MACF1: variants seen among roughly 807,000 people sequenced by gnomAD.
MACF1 encodes the protein microtubule actin crosslinking factor 1, also known as microtubule-actin cross-linking factor 1.
MACF1 carries 193 observed loss-of-function variants against 854.8 expected under a neutral mutation model. The observed-to-expected ratio is 0.23, with a 90% CI of 0.20 to 0.25. The LOEUF is 0.25. Among genes scored for constraint, MACF1 ranks in the 10% least tolerant of loss-of-function variants. The pLI is 1.00. For synonymous variants in MACF1, 3,185 were observed against 3,226.7 expected (o/e 0.99, Z 0.44); for missense variants, 7,722 against 8,929.1 (o/e 0.86, Z 5.45).
At chr1:39,223,982 G>A (rs1013333407) in intron 1 of MACF1, among the ~76,000 whole-genome samples, 5 of 152,160 alleles carry the variant, frequency 3.3e-5, no homozygotes, top group African/African-American at 1.2e-4. Context: ...TTTTAGACAA[G>A]TTGAGTTTGA....
chr1:39,192,328 G>A (rs1292831276), intron 2 of MACF1, among the ~76,000 whole-genome samples: 1 of 152,104 alleles, frequency 6.6e-6, no homozygotes, highest in African/African-American at 2.4e-5. Context: ...TCACCTCGGG[G>A]AATGGAAAAA....
At chr1:39,242,626 T>G (rs562173121) in intron 2 of MACF1, among the ~76,000 whole-genome samples, 14 of 151,700 alleles carry the variant, frequency 9.2e-5, no homozygotes, top group South Asian at 2.1e-4. Flanking sequence ...TGTATGCGCC[T>G]TGGGAGACTG....
At position 39,448,020 on chromosome 1, in the gene MACF1, T is replaced by G. The variant is rs746250040; in HGVS notation, c.19969-13T>G. Reference sequence around the variant, plus strand: ...TATTCATTCCTGTTAACTTATTTCTTATGTAATTTTAGTTCCATGAAGCTT... The same window carrying G: ...TATTCATTCCTGTTAACTTATTTCTGATGTAATTTTAGTTCCATGAAGCTT... On this transcript the variant is annotated splice_polypyrimidine_tract_variant and intron_variant, in intron 82 of 100. Transcript: ENST00000564288. 17 of 1,613,852 alleles carry G rather than the reference T, an allele frequency of 1.1e-5. No individual in the cohort carries two copies. The highest frequency in any genetic ancestry group is 1.4e-5 in the Non-Finnish European group (17 of 1,179,916).
chr1:39,413,024 C>CTGCTGCAGT (rs1245036060), intron 58 of MACF1: 12 of 1,584,798 alleles, frequency 7.6e-6, no homozygotes, highest in African/African-American at 1.3e-5. Flanking sequence ...CCTGAAGGGA[C>CTGCTGCAGT]TGCTGCAGTT....
rs765189141 is a variant in MACF1, at chr1:39,335,927, C to T, written c.9339C>T (p.His3113=). 11 of 1,614,118 alleles carry T rather than the reference C, an allele frequency of 6.8e-6. No homozygotes were observed. In the South Asian group the frequency reaches 8.8e-5, roughly 13 times the overall value. Residue 3113 remains histidine (H), a synonymous_variant, in exon 37 of 101, where the codon CAC becomes CAT. Coordinates refer to ENST00000564288, the MANE Select transcript of MACF1 (RefSeq NM_001394062.1). ...TGACCCCAAGACCTGAAGGATTGCA[C>T]TACCAGGAATCAGATGGAAAAGCCC... ...PCMTPRPEGL[H]YQESDGKAQV... is the part of the protein sequence containing the mutation.
intron 84 of MACF1, among the ~76,000 whole-genome samples, chr1:39,450,610 C>CTTTTT (rs11398407): frequency 3.5e-5 from 4 of 115,264 alleles, no homozygotes; most frequent in African/African-American, 6.4e-5. Flanking sequence ...TACTCTATTT[C>CTTTTT]TTTTTTTTTT....
rs1165101782 is a variant in MACF1, at chr1:39,287,267, T to C, written c.1509-19T>C. 2 of 1,608,180 alleles carry C rather than the reference T, an allele frequency of 1.2e-6. No individual in the cohort carries two copies. On this transcript the variant is annotated intron_variant, in intron 14 of 100. Transcript: ENST00000564288. Reference sequence around the variant, plus strand: ...CTATAGATTTAAATCCTTTCCTTTTTTCTCTTCTTCCATTTCAGGGTCATG... The same window carrying C: ...CTATAGATTTAAATCCTTTCCTTTTCTCTCTTCTTCCATTTCAGGGTCATG...
chr1:39,319,543 C>T (rs1332691678), intron 30 of MACF1, 121 bp from the exon 31 acceptor site: 4 of 656,248 alleles, frequency 6.1e-6, no homozygotes, highest in East Asian at 3.0e-5. Flanking sequence ...GTTTTAACCA[C>T]CCTTTCCAGC....
rs187737157 is a variant in MACF1 at position 39,390,984 on chromosome 1, G to A, written c.15816+2326G>A. ...AAATTAGCTGGGTATGGTGGCAGGC[G>A]CCTGTAGTCCCAGCTACTCGGGAGG... On this transcript the variant is annotated intron_variant, in intron 58 of 100. Coordinates refer to ENST00000564288, the MANE Select transcript of MACF1 (RefSeq NM_001394062.1). 1.3e-3 allele frequency among the ~76,000 whole-genome samples: 199 copies of A among 151,928 alleles called. 3 individuals carry two copies. In the Middle Eastern group the frequency reaches 0.054, roughly 42 times the overall value.
chr1:39,138,362 T>C (rs957476596), intron 2 of MACF1, among the ~76,000 whole-genome samples: 8 of 151,906 alleles, frequency 5.3e-5, no homozygotes, highest in Non-Finnish European at 8.8e-5. Flanking sequence ...GGTGGGCAGA[T>C]CACAAGGTCA....
chr1:39,381,928 A>G, intron 55 of MACF1, 25 bp from the exon 56 acceptor site: 1 of 1,560,866 alleles, frequency 6.4e-7, no homozygotes, highest in Non-Finnish European at 8.8e-7. Context: ...GTAAAGGAAT[A>G]CATTCCCTCA....
intron 2 of MACF1, among the ~76,000 whole-genome samples, chr1:39,195,053 A>G (rs1243844739): frequency 6.6e-6 from 1 of 152,156 alleles, no homozygotes; most frequent in Non-Finnish European, 1.5e-5. Context: ...GAAAAGCAAA[A>G]CTTACACTTG....
At chr1:39,325,102 G>A (rs931366387) in intron 35 of MACF1, among the ~76,000 whole-genome samples, 2 of 152,208 alleles carry the variant, frequency 1.3e-5, no homozygotes, top group Admixed American at 6.5e-5. Context: ...ATCTATGGGT[G>A]TGGTTACACA....
At chr1:39,194,715 A>G (rs1401427362) in intron 2 of MACF1, among the ~76,000 whole-genome samples, 1 of 101,668 alleles carries the variant, frequency 9.8e-6, no homozygotes, top group Non-Finnish European at 1.8e-5. Context: ...TCCCTTCTCT[A>G]TTGTCTTGCT....
At chr1:39,297,268 A>G (rs1330316221) in intron 20 of MACF1, among the ~76,000 whole-genome samples, 2 of 152,118 alleles carry the variant, frequency 1.3e-5, no homozygotes, top group Non-Finnish European at 2.9e-5. Flanking sequence ...ATTTCATAGT[A>G]TGAATTGAAA....
Position 39,419,798 on chromosome 1 carries a change from A to AGTGTGTGTGTGTGT in MACF1, c.15817-2545_15817-2532dup, listed in dbSNP as rs3080664. On this transcript the variant is annotated intron_variant, in intron 58 of 100. Transcript: ENST00000564288. The stretch of plus-strand genomic sequence containing the variant: ...CAGGCGTGCGCCACCATGCCTGGCT[A>AGTGTGTGTGTGTGT]GTGTGTGTGTGTGTGTGTGTGTGTG... 3.3e-3 allele frequency among the ~76,000 whole-genome samples: 437 copies of AGTGTGTGTGTGTGT among 131,042 alleles called. 2 individuals are homozygous for AGTGTGTGTGTGTGT. Among genetic ancestry groups the AGTGTGTGTGTGTGT allele is most frequent in the East Asian group, 0.014 (62 of 4,306 alleles). The allele number at this position is 131,042 out of a possible 152,430, so 86.0% of individuals were successfully genotyped here.
chr1:39,386,890 G>C (rs1569838879), intron 57 of MACF1, among the ~76,000 whole-genome samples: 1 of 152,256 alleles, frequency 6.6e-6, no homozygotes, highest in East Asian at 1.9e-4. Context: ...ATGATAACTT[G>C]GTAGAAGAAA....
At chr1:39,450,925 A>T in intron 84 of MACF1, 127 bp from the exon 85 acceptor site, 1 of 1,106,790 alleles carries the variant, frequency 9.0e-7, no homozygotes, top group Non-Finnish European at 1.3e-6. Context: ...CTGTATTTCT[A>T]ACTGTTCTAA....
intron 2 of MACF1, among the ~76,000 whole-genome samples, chr1:39,119,294 G>C (rs1260667031): frequency 7.4e-6 from 1 of 134,378 alleles, no homozygotes; most frequent in Non-Finnish European, 1.5e-5. Context: ...TCTAGCCTGG[G>C]CAACAAGAGC....
Sources: gnomAD v4.1 joint callset for allele counts (sites outside exome capture counted in the v4.1 genomes callset) on GRCh38, gnomAD v4.1.1 for gene constraint, MANE v1.5 for transcripts, NCBI Gene and HGNC (gene_info 2026-07-23, HGNC 2026-07-21) for gene names.